The following CTNNA2 variants were observed in gnomAD, a reference collection of about 807,000 sequenced individuals.
CTNNA2 encodes catenin alpha-2.
A neutral mutation model predicts 101.0 loss-of-function variants in CTNNA2; 42 were observed. The ratio of observed to expected loss-of-function variants is 0.42; its 90% CI spans 0.32 to 0.54. The LOEUF is 0.54. CTNNA2 is among the 20% of genes least tolerant of loss of function. The pLI, the probability that CTNNA2 is intolerant of heterozygous loss-of-function variation, is 0.14. For synonymous variants in CTNNA2, 450 were observed against 456.4 expected (o/e 0.99, Z 0.18); for missense variants, 871 against 1,223.1 (o/e 0.71, Z 4.29).
intron 2 of CTNNA2, among the ~76,000 whole-genome samples, chr2:79,275,804 G>C (rs1477546890): frequency 1.3e-5 from 2 of 151,916 alleles, no homozygotes; most frequent in Admixed American, 1.3e-4. Context: ...TAGTCCAGCA[G>C]TAAACAAATT....
At chr2:79,186,289 TTATC>T (rs996132757) in intron 1 of CTNNA2, among the ~76,000 whole-genome samples, 5 of 152,180 alleles carry the variant, frequency 3.3e-5, no homozygotes, top group Non-Finnish European at 7.3e-5. Flanking sequence ...AGACATGAAT[TTATC>T]CATCTACTCA....
At chr2:80,003,583 C>T (rs1260276594) in intron 7 of CTNNA2, among the ~76,000 whole-genome samples, 1 of 152,014 alleles carries the variant, frequency 6.6e-6, no homozygotes, top group East Asian at 1.9e-4. Flanking sequence ...TTTCATCTGT[C>T]CTCACCTCTT....
intron 2 of CTNNA2, among the ~76,000 whole-genome samples, chr2:79,268,292 A>ATC: frequency 6.6e-6 from 1 of 152,080 alleles, no homozygotes; most frequent in South Asian, 2.1e-4. Flanking sequence ...GTCTGCTGGA[A>ATC]TCTGTGGCGA....
chr2:80,447,290 G>A (rs2149450391), intron 9 of CTNNA2, among the ~76,000 whole-genome samples: 1 of 152,224 alleles, frequency 6.6e-6, no homozygotes, highest in African/African-American at 2.4e-5. Context: ...CAAATCTTTT[G>A]GGTAATATGT....
chr2:80,638,627 CTGTTTCACCTTTATTGGTGAGAAAAAAAA>C (rs1558668665), intron 18 of CTNNA2, among the ~76,000 whole-genome samples: 1 of 152,132 alleles, frequency 6.6e-6, no homozygotes. Context: ...TGAGCAAAAA[CTGTTTCACCTTTATTGGTGAGAAAAAAAA>C]TGGCTCTAAG....
At chr2:80,289,257 G>A (rs892494151) in intron 7 of CTNNA2, 16 of 152,092 alleles carry the variant, frequency 1.1e-4, no homozygotes, top group African/African-American at 3.6e-4. Flanking sequence ...TGAGGCAAGT[G>A]TCAAAGCATC....
chr2:80,093,283 C>T (rs1453340321), intron 7 of CTNNA2, among the ~76,000 whole-genome samples: 1 of 152,026 alleles, frequency 6.6e-6, no homozygotes, highest in Non-Finnish European at 1.5e-5. Context: ...CGATAGTTTG[C>T]TGAGAATGAT....
At chr2:79,689,569 G>A (rs1558840904) in intron 2 of CTNNA2, among the ~76,000 whole-genome samples, 1 of 151,766 alleles carries the variant, frequency 6.6e-6, no homozygotes, top group Non-Finnish European at 1.5e-5. Context: ...CACAGTGTAT[G>A]ACATTAAATA....
chr2:79,818,623 A>T (rs2105369081), intron 3 of CTNNA2, among the ~76,000 whole-genome samples: 1 of 151,496 alleles, frequency 6.6e-6, no homozygotes, highest in African/African-American at 2.4e-5. Context: ...CCTGTGATTT[A>T]CCTTTAAAAG....
chr2:79,216,348 G>A (rs1329637772), intron 2 of CTNNA2, among the ~76,000 whole-genome samples: 2 of 140,762 alleles, frequency 1.4e-5, no homozygotes, highest in African/African-American at 5.1e-5. Context: ...GAGACACGGA[G>A]GGAAGGGGTT....
intron 7 of CTNNA2, among the ~76,000 whole-genome samples, chr2:79,959,079 C>T (rs1331488132): frequency 2.6e-5 from 4 of 151,498 alleles, no homozygotes; most frequent in African/African-American, 9.7e-5. Context: ...TTTCTGGAGG[C>T]AGGGTCTCAG....
At chr2:80,473,276 G>T (rs1362498200) in intron 9 of CTNNA2, among the ~76,000 whole-genome samples, 1 of 152,184 alleles carries the variant, frequency 6.6e-6, no homozygotes, top group Non-Finnish European at 1.5e-5. Context: ...AAAGGCTACA[G>T]GGGTCAGGCT....
chr2:80,235,150 C>A (rs994454612), intron 7 of CTNNA2, among the ~76,000 whole-genome samples: 3 of 151,806 alleles, frequency 2.0e-5, no homozygotes, highest in African/African-American at 7.3e-5. Flanking sequence ...TCATATTTGT[C>A]CATTGTTACT....
intron 2 of CTNNA2, among the ~76,000 whole-genome samples, chr2:79,732,442 C>T (rs150733171): frequency 1.3e-5 from 2 of 151,928 alleles, no homozygotes; most frequent in African/African-American, 4.8e-5. Context: ...GCTTTATCTG[C>T]CAAATGTTAT....
rs188110553 is a variant in CTNNA2 at position 80,308,092 on chromosome 2, T to A, written c.1057-85119T>A. On this transcript the variant is annotated intron_variant, in intron 7 of 18. Coordinates refer to ENST00000402739, the MANE Select transcript of CTNNA2 (RefSeq NM_001282597.3). ...TCAACCTTGTAAATTAGCCTTTGCC[T>A]AATGAGCCCTCCTGTTTTTCGTGGT... Among the ~76,000 whole-genome samples the A allele has an allele frequency of 4.6e-5, 7 of 152,186 alleles. No individual in the cohort carries two copies. The East Asian group carries it at 1.2e-3, about 25-fold the overall frequency.
intron 2 of CTNNA2, among the ~76,000 whole-genome samples, chr2:79,263,240 G>A (rs1674945740): frequency 6.6e-6 from 1 of 152,138 alleles, no homozygotes; most frequent in African/African-American, 2.4e-5. Context: ...TTGGAGATGA[G>A]GCCTAGTGGG....
At chr2:79,544,203 G>A (rs188124781) in intron 1 of CTNNA2, among the ~76,000 whole-genome samples, 112 of 152,294 alleles carry the variant, frequency 7.4e-4, no homozygotes, top group Admixed American at 3.2e-3. Flanking sequence ...CTTCCAAAGT[G>A]CTGTGATTAC....
chr2:80,292,699 G>A (rs143747804), intron 7 of CTNNA2, among the ~76,000 whole-genome samples: 85 of 152,254 alleles, frequency 5.6e-4, no homozygotes, highest in African/African-American at 1.9e-3. Flanking sequence ...CCTCACCTTC[G>A]CAGGTGCAAT....
At chr2:79,313,917 C>T (rs1255757414) in intron 3 of CTNNA2, among the ~76,000 whole-genome samples, 1 of 152,084 alleles carries the variant, frequency 6.6e-6, no homozygotes, top group Non-Finnish European at 1.5e-5. Flanking sequence ...ATGGGCAAGA[C>T]CCGGTGTGAG....
Sources: allele counts gnomAD v4.1 joint callset (sites outside exome capture counted in the v4.1 genomes callset), GRCh38; gene constraint gnomAD v4.1.1; transcripts MANE v1.5; gene names NCBI Gene and HGNC (gene_info 2026-07-23, HGNC 2026-07-21).